ADAM2: variants seen among roughly 807,000 people sequenced by gnomAD.
ADAM2 encodes the protein ADAM metallopeptidase domain 2, also known as disintegrin and metalloproteinase domain-containing protein 2.
Under a neutral mutation model 99.3 loss-of-function variants are expected in ADAM2, and 101 were observed. That is an observed-to-expected ratio of 1.02 (90% CI 0.87 to 1.20). ADAM2 has a LOEUF of 1.20. Among genes scored for constraint, ADAM2 ranks in the 50% most tolerant of loss-of-function variants. The probability of loss-of-function intolerance (pLI) is 0.00; values close to 1 mark genes in which losing one functional copy is unlikely to be tolerated. For synonymous variants in ADAM2, 323 were observed against 287.6 expected (o/e 1.12, Z -1.25); for missense variants, 948 against 878.7 (o/e 1.08, Z -1.00).
rs1239437745 is a variant in ADAM2, at chr8:39,802,181, GC to G, written c.570+7228del. Among the ~76,000 whole-genome samples, 458 of 152,288 alleles carry G rather than the reference GC, an allele frequency of 3.0e-3. 3 individuals are homozygous for G. The highest frequency in any genetic ancestry group is 9.5e-3 in the African/African-American group (396 of 41,566). On this transcript the variant is annotated intron_variant, in intron 7 of 20. Coordinates refer to ENST00000265708, the MANE Select transcript of ADAM2 (RefSeq NM_001464.5). ...TTCCGTGGGAAAAGCAGTTTCCCCA[GC>G]TGGGTTGTGTGCTCACTCACTGCCT...
At chr8:39,804,358 G>T (rs997873815) in intron 7 of ADAM2, among the ~76,000 whole-genome samples, 22 of 152,116 alleles carry the variant, frequency 1.4e-4, no homozygotes, top group Non-Finnish European at 2.9e-4. Flanking sequence ...GAAACCATAG[G>T]ATATGTGGTT....
chr8:39,820,981 T>G (rs777792189), intron 6 of ADAM2, 21 bp downstream of exon 6: 2 of 1,492,732 alleles, frequency 1.3e-6, no homozygotes, highest in Non-Finnish European at 1.8e-6. Flanking sequence ...AACCATAGAG[T>G]TTGTTCAATT....
At chr8:39,834,396 T>C (rs183992770) in intron 2 of ADAM2, among the ~76,000 whole-genome samples, 3 of 152,240 alleles carry the variant, frequency 2.0e-5, no homozygotes, top group African/African-American at 4.8e-5. Flanking sequence ...ACCTCTGCCC[T>C]TGATAGTTAG....
rs1586059809 is a variant in ADAM2 at position 39,761,231 on chromosome 8, C to G, written c.1558G>C (p.Asp520His). Residue 520 changes from aspartate to histidine, a missense_variant, in exon 15 of 21, where the codon GAT (aspartate) becomes CAT (histidine). Transcript: ENST00000265708. ...ECYSHLNSKTDVSGNCGISDS... is the reference protein window; with the variant it reads ...ECYSHLNSKTHVSGNCGISDS... ...CTTATACCACAGTTTCCAGATACAT[C>G]AGTCTTTGAATTAAGGTGAGAATAA... is the stretch of plus-strand genomic sequence containing the variant. 1 of 1,605,194 alleles carries G rather than the reference C, an allele frequency of 6.2e-7. No individual in the cohort carries two copies. Among genetic ancestry groups the G allele is most frequent in the Non-Finnish European group, 8.5e-7 (1 of 1,175,102 alleles).
In ADAM2 at chr8:39,838,171, C is replaced by T. The variant is rs774922405; in HGVS notation, c.15G>A (p.Leu5=). The change falls in exon 1 of 21, where the codon TTG becomes TTA. Residue 5 remains leucine (L), a synonymous_variant. Transcript: ENST00000265708. ...GCCCGCCGAGCCCGCTGAGCAGAAA[C>T]AAGACGCGCCACATGGCTTGAAGTC... MWRV[L]FLLSGLGGLR... 2 of 1,614,168 alleles carry T rather than the reference C, an allele frequency of 1.2e-6. No individual in the cohort carries two copies. The highest frequency in any genetic ancestry group is 3.3e-4 in the Middle Eastern group (2 of 6,060).
At chr8:39,812,047 A>G (rs1173866931) in intron 6 of ADAM2, among the ~76,000 whole-genome samples, 2 of 152,210 alleles carry the variant, frequency 1.3e-5, no homozygotes, top group African/African-American at 4.8e-5. Context: ...TCAGCCTAAA[A>G]TCTCCTTAAG....
In ADAM2 at chr8:39,777,167, A is replaced by G; in HGVS notation, c.892-6T>C. On this transcript the variant is annotated splice_polypyrimidine_tract_variant and splice_region_variant and intron_variant, in intron 10 of 20. Transcript: ENST00000265708. ...AGACTTATGGTTCTGGGGTGCTGAG[A>G]AAAAAAAATAGATGTACACGTTTTG... 3 of 1,562,834 alleles carry G rather than the reference A, an allele frequency of 1.9e-6. No individual in the cohort carries two copies. The highest frequency in any genetic ancestry group is 2.4e-5 in the South Asian group (2 of 84,186).
chr8:39,829,216 G>A (rs1015539396), intron 3 of ADAM2, among the ~76,000 whole-genome samples: 4 of 151,722 alleles, frequency 2.6e-5, no homozygotes, highest in Non-Finnish European at 5.9e-5. Flanking sequence ...GAGTAAGAAA[G>A]GATTTCTTAT....
rs530451491 is a variant in ADAM2 at position 39,784,605 on chromosome 8, G to A, written c.891+2369C>T. Among the ~76,000 whole-genome samples the A allele has an allele frequency of 3.3e-5, 5 of 152,266 alleles. No individual in the cohort carries two copies. In the South Asian group the frequency reaches 1.0e-3, roughly 32 times the overall value. On this transcript the variant is annotated intron_variant, in intron 10 of 20. Coordinates refer to ENST00000265708, the MANE Select transcript of ADAM2 (RefSeq NM_001464.5). ...GTTGCCCATGCTGGAAGCCCGCCCT[G>A]TAGAGAAAATCAGTTCTGCTCTCCT...
At chr8:39,812,561 C>T (rs1019128431) in intron 6 of ADAM2, among the ~76,000 whole-genome samples, 4 of 152,168 alleles carry the variant, frequency 2.6e-5, no homozygotes, top group Non-Finnish European at 5.9e-5. Flanking sequence ...CAGCATGGTA[C>T]TGGTACCAAA....
rs372678166 is a variant in ADAM2 at position 39,833,694 on chromosome 8, C to T, written c.188+250G>A. ...GAGATAGAAAATTATCAAAATTCAT[C>T]CTTTATGAAACCTCTTGGATCACCA... On this transcript the variant is annotated intron_variant, in intron 3 of 20. Coordinates refer to ENST00000265708, the MANE Select transcript of ADAM2 (RefSeq NM_001464.5). Among the ~76,000 whole-genome samples, 268 of 152,052 alleles carry T rather than the reference C, an allele frequency of 1.8e-3. 1 individual carries two copies. The South Asian group carries it at 0.02, about 11-fold the overall frequency.
At chr8:39,795,202 A>T (rs1162725498) in intron 7 of ADAM2, among the ~76,000 whole-genome samples, 1 of 152,172 alleles carries the variant, frequency 6.6e-6, no homozygotes, top group East Asian at 1.9e-4. Flanking sequence ...GTAAACACAA[A>T]ATAAAATTCT....
intron 7 of ADAM2, among the ~76,000 whole-genome samples, chr8:39,792,030 G>T (rs1244266741): frequency 1.3e-5 from 2 of 151,874 alleles, no homozygotes; most frequent in African/African-American, 2.4e-5. Flanking sequence ...TTTCCATTCA[G>T]TGAAGAATAC....
At chr8:39,800,440 C>T (rs1365766068) in intron 7 of ADAM2, among the ~76,000 whole-genome samples, 2 of 152,136 alleles carry the variant, frequency 1.3e-5, no homozygotes, top group African/African-American at 2.4e-5. Context: ...TGGTGTTTCT[C>T]TCTGGCTGCC....
At chr8:39,758,565 A>T (rs1434613990) in intron 15 of ADAM2, among the ~76,000 whole-genome samples, 3 of 151,740 alleles carry the variant, frequency 2.0e-5, no homozygotes, top group African/African-American at 7.3e-5. Context: ...CAGTAAAAAT[A>T]AAAAAAATTT....
chr8:39,775,565 A>C (rs1802953928), intron 11 of ADAM2, among the ~76,000 whole-genome samples: 1 of 152,160 alleles, frequency 6.6e-6, no homozygotes, highest in African/African-American at 2.4e-5. Flanking sequence ...GTCTAAATCT[A>C]ATAGGACTCT....
chr8:39,755,613 G>T (rs1802117690), intron 16 of ADAM2, 115 bp downstream of exon 16: 2 of 694,108 alleles, frequency 2.9e-6, no homozygotes, highest in East Asian at 3.1e-5. Context: ...GGCAGAGGTT[G>T]CAGTGAGCAG....
intron 7 of ADAM2, among the ~76,000 whole-genome samples, chr8:39,798,423 C>T (rs1475525112): frequency 6.6e-6 from 1 of 151,942 alleles, no homozygotes; most frequent in Non-Finnish European, 1.5e-5. Flanking sequence ...TTTTGATGTG[C>T]TGTTAGATTT....
rs1161810161 is a variant in ADAM2, at chr8:39,769,503, C to A, written c.1101G>T (p.Lys367Asn). 2 of 1,613,760 alleles carry A rather than the reference C, an allele frequency of 1.2e-6. No homozygotes were observed. Among genetic ancestry groups the A allele is most frequent in the Non-Finnish European group, 8.5e-7 (1 of 1,179,676 alleles). ...EDFAHFISKQ[K>N]SQCLHNQPRL... ...GAGGCTGATTGTGAAGACACTGGGA[C>A]TTCTGCTTTGAAATAAAATGTGCAA... Residue 367 changes from lysine to asparagine, a missense_variant, in exon 12 of 21, where the codon AAG (lysine) becomes AAT (asparagine). By Grantham distance (94) the Lys-to-Asn change is moderately conservative (BLOSUM62 0). Transcript: ENST00000265708.
Sources: gnomAD v4.1 joint callset for allele counts (sites outside exome capture counted in the v4.1 genomes callset) on GRCh38, gnomAD v4.1.1 for gene constraint, MANE v1.5 for transcripts, NCBI Gene and HGNC (gene_info 2026-07-23, HGNC 2026-07-21) for gene names.